PDGFA: variants seen among roughly 807,000 people sequenced by gnomAD.
The protein encoded by PDGFA is platelet-derived growth factor subunit A.
A neutral mutation model predicts 25.6 loss-of-function variants in PDGFA; 9 were observed. The ratio of observed to expected loss-of-function variants is 0.35; its 90% CI spans 0.21 to 0.61. The LOEUF (loss-of-function observed/expected upper bound fraction) is 0.61, where lower values mean the gene tolerates loss of function less well. PDGFA is among the 20% of genes least tolerant of loss of function. The pLI, the probability that PDGFA is intolerant of heterozygous loss-of-function variation, is 0.75. For missense variants in PDGFA, 242 were observed against 272.8 expected, an observed-to-expected ratio of 0.89 and a Z score of 0.79; for synonymous variants, 133 against 111.8, an observed-to-expected ratio of 1.19 and a Z score of -1.20.
At position 517,624 on chromosome 7, in the gene PDGFA, C is replaced by T. The variant is rs1041235600; in HGVS notation, c.64-134G>A. The T allele has an allele frequency of 6.1e-6, 1 of 163,276 alleles. No individual in the cohort carries two copies. Among genetic ancestry groups the T allele is most frequent in the Non-Finnish European group, 1.3e-5 (1 of 77,818 alleles). The allele number at this position is 163,276 out of a possible 1,614,324, so 10.1% of individuals were successfully genotyped here. A position where few individuals can be genotyped will look rare whatever the true frequency, so the allele number is the denominator to read the frequency against. ...CCGGCCGCAGTCCCCGCCCCAGCCC[C>T]CGCGGAGCCCTCGCCCCGGCCCTGG... On this transcript the variant is annotated intron_variant, in intron 1 of 5. Transcript: ENST00000402802. This position sits in a 1 kb window ranked among gnomAD's most constrained non-coding sequence, Gnocchi z 7.4.
At chr7:512,565 C>A (rs1374489253) in intron 2 of PDGFA, 110 bp from the exon 3 acceptor site, 11 of 1,561,988 alleles carry the variant, frequency 7.0e-6, no homozygotes, top group Middle Eastern at 1.7e-4. Context: ...GGGGAACAGG[C>A]ACCTGGCGGC....
intron 3 of PDGFA, among the ~76,000 whole-genome samples, chr7:511,423 TGGGGGA>T (rs1283597064): frequency 7.6e-6 from 1 of 130,846 alleles, no homozygotes; most frequent in Non-Finnish European, 1.6e-5. Context: ...GGCCAGTGGC[TGGGGGA>T]GGAGGGGGCC....
chr7:519,331 G>A (rs1447312869), exon 1 of PDGFA: 6 of 297,618 alleles, frequency 2.0e-5, no homozygotes, highest in Non-Finnish European at 3.1e-5. Flanking sequence ...GCTGGCCGCC[G>A]CCGCGCTCGC....
At chr7:512,410 T>G in exon 3 of PDGFA, 1 of 1,613,792 alleles carries the variant, frequency 6.2e-7, no homozygotes, top group South Asian at 1.1e-5. Context: ...CTTAGTGGCA[T>G]GGACCCCGTG....
Position 517,994 on chromosome 7 carries a change from AACACACGCACGCGCGCGCAGACAC to A in PDGFA, c.64-528_64-505del, listed in dbSNP as rs1783184560. ...CGTGGAGAGGTCTCTCCGTCTCACA[AACACACGCACGCGCGCGCAGACAC>A]ACACACGCGCACACACATCTCACTC... On this transcript the variant is annotated intron_variant, in intron 1 of 5. Coordinates refer to ENST00000402802, the Ensembl canonical transcript of PDGFA. This position sits in a 1 kb window ranked among gnomAD's most constrained non-coding sequence, Gnocchi z 7.4. Among the ~76,000 whole-genome samples, 1 of 151,956 alleles carries A rather than the reference AACACACGCACGCGCGCGCAGACAC, an allele frequency of 6.6e-6. No individual in the cohort carries two copies. The highest frequency in any genetic ancestry group is 2.4e-5 in the African/African-American group (1 of 41,380).
chr7:503,721 A>G (rs975239147), intron 4 of PDGFA, among the ~76,000 whole-genome samples: 1 of 152,170 alleles, frequency 6.6e-6, no homozygotes, highest in Non-Finnish European at 1.5e-5. Context: ...GTTAACCCAC[A>G]GTGCAAAGGG....
chr7:516,398 C>T (rs1489832418), intron 2 of PDGFA, among the ~76,000 whole-genome samples: 1 of 152,208 alleles, frequency 6.6e-6, no homozygotes, highest in East Asian at 1.9e-4. Context: ...GCATGCCCCC[C>T]CTTTTTCAGA....
In PDGFA at chr7:512,747, G is replaced by C. The variant is rs1057290347; in HGVS notation, c.161-292C>G. 1.7e-4 allele frequency: 191 copies of C among 1,106,398 alleles called. 1 individual carries two copies. Among genetic ancestry groups the C allele is most frequent in the Non-Finnish European group, 1.1e-4 (92 of 842,134 alleles). 68.5% of individuals were successfully genotyped at this position (1,106,398 alleles called of 1,614,324 possible). A position where few individuals can be genotyped will look rare whatever the true frequency, so the allele number is the denominator to read the frequency against. On this transcript the variant is annotated intron_variant, in intron 2 of 5. Transcript: ENST00000402802. ...ACGAAGCGCAGGGCCCTTCGGGGAA[G>C]AGGTTGCAGGTGGTCTCCCCTACGG...
intron 3 of PDGFA, 140 bp from the exon 4 acceptor site, chr7:511,136 G>A (rs1782811121): frequency 1.5e-6 from 1 of 682,378 alleles, no homozygotes; most frequent in Admixed American, 2.5e-5. Context: ...AGCAGAGGCT[G>A]AGCTGGGAGC....
At chr7:515,714 T>G (rs571238458) in intron 2 of PDGFA, among the ~76,000 whole-genome samples, 17 of 152,076 alleles carry the variant, frequency 1.1e-4, no homozygotes, top group African/African-American at 2.7e-4. Context: ...TCCTGGGACA[T>G]GACTGCAGAG....
chr7:519,662 G>A (rs1783281869), upstream of PDGFA, among the ~76,000 whole-genome samples: 1 of 144,904 alleles, frequency 6.9e-6, no homozygotes, highest in African/African-American at 2.5e-5. Context: ...GGCAGCGCCC[G>A]CGGCCGAGCC....
chr7:497,545 C>T (rs1274818476), exon 6 of PDGFA: 2 of 152,174 alleles, frequency 1.3e-5, no homozygotes, highest in Non-Finnish European at 2.9e-5. Context: ...TCACGTGCCG[C>T]GTGGGAACAC....
chr7:507,947 G>A (rs1034895149), intron 4 of PDGFA, among the ~76,000 whole-genome samples: 4 of 152,132 alleles, frequency 2.6e-5, no homozygotes, highest in African/African-American at 7.2e-5. Flanking sequence ...CACTCCCAGG[G>A]CCCTGGAAAA....
chr7:510,795 A>AGGGGG lies in PDGFA; in HGVS notation c.453+13_453+14insCCCCC. 1 of 821,998 alleles carries AGGGGG rather than the reference A, an allele frequency of 1.2e-6. No homozygotes were observed. Among genetic ancestry groups the AGGGGG allele is most frequent in the South Asian group, 2.3e-5 (1 of 43,956 alleles). The allele number at this position is 821,998 out of a possible 1,614,324, so 50.9% of individuals were successfully genotyped here. A position where few individuals can be genotyped will look rare whatever the true frequency, so the allele number is the denominator to read the frequency against. On this transcript the variant is annotated intron_variant, in intron 4 of 5. Transcript: ENST00000402802. ...AGGGGAGGGGAGGGGAGGGGAGGGG[A>AGGGGG]GGGGAGGGCTCACCTTGACGCTGCG... is the stretch of plus-strand genomic sequence containing the variant.
intron 3 of PDGFA, among the ~76,000 whole-genome samples, chr7:511,879 C>T (rs62433338): frequency 0.38 from 57,300 of 152,012 alleles, 12,446 homozygotes; most frequent in Non-Finnish European, 0.49. Context: ...TGGGGCGGGG[C>T]ACACGGGTGT....
chr7:498,627 C>A, intron 5 of PDGFA, 53 bp from the exon 6 acceptor site: 1 of 1,572,962 alleles, frequency 6.4e-7, no homozygotes, highest in Admixed American at 1.7e-5. Context: ...AGTGAACCAC[C>A]CAGCACACAC....
chr7:518,268 G>C (rs1475847129), intron 1 of PDGFA, among the ~76,000 whole-genome samples: 1 of 147,990 alleles, frequency 6.8e-6, no homozygotes, highest in Admixed American at 6.7e-5. Flanking sequence ...GGAGCCTGAA[G>C]CACTAAGTTC....
intron 3 of PDGFA, among the ~76,000 whole-genome samples, chr7:512,091 G>A (rs1782878119): frequency 6.6e-6 from 1 of 152,230 alleles, no homozygotes; most frequent in South Asian, 2.1e-4. Flanking sequence ...AAGCTCTCTT[G>A]GCCCAGACCA....
chr7:497,995 A>C (rs1228047370), exon 6 of PDGFA: 1 of 149,374 alleles, frequency 6.7e-6, no homozygotes, highest in Non-Finnish European at 1.5e-5. Context: ...CAAAAAAAAA[A>C]ACCACTTAAG....
Sources: allele counts gnomAD v4.1 joint callset (sites outside exome capture counted in the v4.1 genomes callset), GRCh38; gene constraint gnomAD v4.1.1; non-coding constraint Gnocchi (gnomAD v3.1); transcripts MANE v1.5; gene names NCBI Gene and HGNC (gene_info 2026-07-23, HGNC 2026-07-21).